ASTN2: variants seen among roughly 807,000 people sequenced by gnomAD.
ASTN2 encodes the protein astrotactin 2.
In ASTN2, 54 loss-of-function variants were observed where a neutral mutation model predicts 139.8. The ratio of observed to expected loss-of-function variants is 0.39; its 90% CI spans 0.31 to 0.48. ASTN2 has a LOEUF of 0.48. Among genes scored for constraint, ASTN2 ranks in the 20% least tolerant of loss-of-function variants. The pLI, the probability that ASTN2 is intolerant of heterozygous loss-of-function variation, is 0.95. For missense variants in ASTN2, 1,565 were observed against 1,725.1 expected, an observed-to-expected ratio of 0.91 and a Z score of 1.64; for synonymous variants, 756 against 719.5, an observed-to-expected ratio of 1.05 and a Z score of -0.81.
chr9:117,352,287 C>T (rs887905146), intron 1 of ASTN2, among the ~76,000 whole-genome samples: 2 of 152,142 alleles, frequency 1.3e-5, no homozygotes, highest in African/African-American at 2.4e-5. Context: ...TACTGATTTC[C>T]GCTGTACTTT....
intron 20 of ASTN2, among the ~76,000 whole-genome samples, chr9:116,450,220 T>C (rs140905548): frequency 6.6e-6 from 1 of 152,326 alleles, no homozygotes; most frequent in Non-Finnish European, 1.5e-5. Flanking sequence ...ATGCATTTTC[T>C]ATGGCTGCTT....
At chr9:117,252,491 G>A (rs955286904) in intron 2 of ASTN2, among the ~76,000 whole-genome samples, 1 of 152,178 alleles carries the variant, frequency 6.6e-6, no homozygotes, top group Non-Finnish European at 1.5e-5. Context: ...ACCAAGGACA[G>A]AGCAAGAAAC....
intron 1 of ASTN2, among the ~76,000 whole-genome samples, chr9:117,371,602 T>A (rs1452887695): frequency 6.6e-6 from 1 of 152,202 alleles, no homozygotes; most frequent in Non-Finnish European, 1.5e-5. Flanking sequence ...AGAATCTCCT[T>A]GTGCCTCAAT....
chr9:116,537,418 G>A (rs1587961602), intron 19 of ASTN2, among the ~76,000 whole-genome samples: 1 of 152,266 alleles, frequency 6.6e-6, no homozygotes, highest in South Asian at 2.1e-4. Context: ...TCATTTGACA[G>A]TTTATTTCTG....
chr9:116,749,745 G>T (rs922120620), intron 13 of ASTN2, among the ~76,000 whole-genome samples: 2 of 152,154 alleles, frequency 1.3e-5, no homozygotes, highest in Non-Finnish European at 2.9e-5. Context: ...GATCCCCATG[G>T]ATGGTTTAAC....
chr9:117,369,536 G>A (rs1372334437), intron 1 of ASTN2, among the ~76,000 whole-genome samples: 1 of 151,874 alleles, frequency 6.6e-6, no homozygotes, highest in African/African-American at 2.4e-5. Context: ...CACAATCCAG[G>A]CCATTTTTGC....
intron 11 of ASTN2, among the ~76,000 whole-genome samples, chr9:116,827,439 G>C (rs912301969): frequency 6.6e-6 from 1 of 151,714 alleles, no homozygotes; most frequent in African/African-American, 2.4e-5. Flanking sequence ...CAATGCAAAG[G>C]ATCAATGAAA....
chr9:117,411,439 G>C (rs963581317), intron 1 of ASTN2, among the ~76,000 whole-genome samples: 2 of 101,612 alleles, frequency 2.0e-5, no homozygotes, highest in Non-Finnish European at 3.8e-5. Flanking sequence ...AAAAAGGAAA[G>C]GATCTGCAAA....
chr9:116,949,503 G>A (rs1835497553), intron 10 of ASTN2, among the ~76,000 whole-genome samples: 1 of 152,168 alleles, frequency 6.6e-6, no homozygotes, highest in Admixed American at 6.5e-5. Context: ...GGCTGAGACT[G>A]TATCAGAACT....
intron 20 of ASTN2, among the ~76,000 whole-genome samples, chr9:116,479,757 T>C (rs561847023): frequency 1.3e-5 from 2 of 152,282 alleles, no homozygotes; most frequent in African/African-American, 4.8e-5. Flanking sequence ...TAAAAGTGTG[T>C]TTTCCATATT....
chr9:117,095,345 C>G (rs147774763), intron 5 of ASTN2, among the ~76,000 whole-genome samples: 1 of 152,202 alleles, frequency 6.6e-6, no homozygotes, highest in African/African-American at 2.4e-5. Flanking sequence ...CATCAGGGAA[C>G]GATGGATCTT....
chr9:116,556,493 C>T (rs1852622123), intron 19 of ASTN2, among the ~76,000 whole-genome samples: 1 of 152,084 alleles, frequency 6.6e-6, no homozygotes, highest in Non-Finnish European at 1.5e-5. Flanking sequence ...AATAAAAGTC[C>T]CCAGAGGCTG....
chr9:117,397,243 A>G (rs998231767), intron 1 of ASTN2, among the ~76,000 whole-genome samples: 1 of 152,142 alleles, frequency 6.6e-6, no homozygotes, highest in Non-Finnish European at 1.5e-5. Context: ...TGAGTTACAA[A>G]CAATCCAATT....
At chr9:117,395,891 GAAC>G (rs1329720349) in intron 1 of ASTN2, among the ~76,000 whole-genome samples, 4 of 152,212 alleles carry the variant, frequency 2.6e-5, no homozygotes, top group Admixed American at 1.3e-4. Context: ...AGCTACTGCT[GAAC>G]AACAACAAGA....
chr9:116,753,430 A>ATT (rs1330972323), intron 13 of ASTN2, among the ~76,000 whole-genome samples: 1 of 152,230 alleles, frequency 6.6e-6, no homozygotes, highest in Non-Finnish European at 1.5e-5. Context: ...GTATGATACT[A>ATT]TCATGGTGGT....
intron 2 of ASTN2, among the ~76,000 whole-genome samples, chr9:117,269,332 T>C (rs777452112): frequency 6.6e-6 from 1 of 152,186 alleles, no homozygotes; most frequent in Non-Finnish European, 1.5e-5. Flanking sequence ...GCTAGAAGAA[T>C]GACACTTTAA....
intron 7 of ASTN2, among the ~76,000 whole-genome samples, chr9:117,006,150 A>ATTT (rs1837348337): frequency 6.6e-6 from 1 of 152,024 alleles, no homozygotes; most frequent in Non-Finnish European, 1.5e-5. Context: ...AAACACCCAC[A>ATTT]CCCAGCCCCA....
chr9:116,529,244 G>C (rs1851221358), intron 19 of ASTN2, among the ~76,000 whole-genome samples: 1 of 152,184 alleles, frequency 6.6e-6, no homozygotes, highest in Non-Finnish European at 1.5e-5. Context: ...CCCACCTTTT[G>C]CATCACTGTG....
intron 4 of ASTN2, among the ~76,000 whole-genome samples, chr9:117,140,585 A>T (rs1322979379): frequency 6.6e-6 from 1 of 151,444 alleles, no homozygotes; most frequent in Non-Finnish European, 1.5e-5. Context: ...GAGGAGATGA[A>T]GATGAAGGAG....
Sources: allele counts gnomAD v4.1 joint callset (sites outside exome capture counted in the v4.1 genomes callset), GRCh38; gene constraint gnomAD v4.1.1; transcripts MANE v1.5; gene names NCBI Gene and HGNC (gene_info 2026-07-23, HGNC 2026-07-21).